MCTP2: variants seen among roughly 807,000 people sequenced by gnomAD.
MCTP2 encodes multiple C2 and transmembrane domain containing 2.
In MCTP2, 132 loss-of-function variants were observed where a neutral mutation model predicts 111.6. That is an observed-to-expected ratio of 1.18 (90% CI 1.03 to 1.37). The LOEUF (loss-of-function observed/expected upper bound fraction) is 1.37, where lower values mean the gene tolerates loss of function less well. MCTP2 is among the 40% of genes most tolerant of loss of function. The pLI is 0.00. For missense variants in MCTP2, 1,183 were observed against 1,067.9 expected (o/e 1.11, Z -1.50); for synonymous variants, 395 against 387.7 (o/e 1.02, Z -0.22).
At chr15:94,244,624 A>G (rs2071594215) in intron 1 of MCTP2, among the ~76,000 whole-genome samples, 1 of 148,332 alleles carries the variant, frequency 6.7e-6, no homozygotes, top group Non-Finnish European at 1.5e-5. Context: ...GTATACACAT[A>G]CATATGCACC....
intron 8 of MCTP2, among the ~76,000 whole-genome samples, chr15:94,347,220 C>G (rs534612878): frequency 2.3e-4 from 35 of 152,176 alleles, no homozygotes; most frequent in Middle Eastern, 3.4e-3. Flanking sequence ...TGATCAACAA[C>G]CTGTAAAAGT....
At chr15:94,417,864 C>T (rs567966922) in intron 17 of MCTP2, among the ~76,000 whole-genome samples, 38 of 152,176 alleles carry the variant, frequency 2.5e-4, no homozygotes, top group African/African-American at 8.7e-4. Context: ...TTCCTGAATT[C>T]GGGTACCTTA....
chr15:94,370,462 T>C (rs2152438143), intron 12 of MCTP2, among the ~76,000 whole-genome samples: 1 of 152,340 alleles, frequency 6.6e-6, no homozygotes, highest in South Asian at 2.1e-4. Context: ...CTTCTTTATT[T>C]GTTAAATTAA....
At position 94,393,038 on chromosome 15, in the gene MCTP2, A is replaced by G. The variant is rs200102777; in HGVS notation, c.1789-5923A>G. ...TTGTAACAAATATGAAATTATGCACATTTTAATAAAGGAAATATTTGCAAA... is the reference window on the plus strand; with the variant it reads ...TTGTAACAAATATGAAATTATGCACGTTTTAATAAAGGAAATATTTGCAAA... On this transcript the variant is annotated intron_variant, in intron 14 of 22. Coordinates refer to ENST00000357742, the MANE Select transcript of MCTP2 (RefSeq NM_001385001.1). Among the ~76,000 whole-genome samples the G allele has an allele frequency of 6.6e-5, 10 of 152,288 alleles. No homozygotes were observed. In the East Asian group the frequency reaches 1.9e-3, roughly 29 times the overall value.
intron 1 of MCTP2, among the ~76,000 whole-genome samples, chr15:94,255,371 TAG>T (rs1481460548): frequency 6.6e-6 from 1 of 152,192 alleles, no homozygotes; most frequent in African/African-American, 2.4e-5. Flanking sequence ...GTATCAAATC[TAG>T]AGAGAGGGTT....
chr15:94,314,603 C>A, intron 3 of MCTP2: 1 of 549,226 alleles, frequency 1.8e-6, no homozygotes, highest in African/African-American at 1.9e-5. Flanking sequence ...GCAGATAAAG[C>A]CAGTTTGAAG....
At chr15:94,277,436 G>GTTTATCA (rs1427454626) in intron 1 of MCTP2, among the ~76,000 whole-genome samples, 1 of 152,116 alleles carries the variant, frequency 6.6e-6, no homozygotes, top group Non-Finnish European at 1.5e-5. Flanking sequence ...AGGTTCTTCA[G>GTTTATCA]TAGTCAAATG....
At chr15:94,254,624 C>T (rs1436208515) in intron 1 of MCTP2, among the ~76,000 whole-genome samples, 8 of 152,178 alleles carry the variant, frequency 5.3e-5, no homozygotes, top group Admixed American at 4.6e-4. Context: ...GATTTTTTTG[C>T]AGCAATTCAT....
At chr15:94,477,263 G>T (rs1400844001) in intron 22 of MCTP2, among the ~76,000 whole-genome samples, 1 of 152,134 alleles carries the variant, frequency 6.6e-6, no homozygotes, top group African/African-American at 2.4e-5. Context: ...TCCCTCTGAA[G>T]ACTTAGGGAT....
rs2074787119 is a variant in MCTP2, at chr15:94,482,703, C to G, written c.*3669C>G. The G allele has an allele frequency of 6.6e-6, 1 of 152,202 alleles. No homozygotes were observed. Among genetic ancestry groups the G allele is most frequent in the African/African-American group, 2.4e-5 (1 of 41,450 alleles). 9.4% of individuals were successfully genotyped at this position (152,202 alleles called of 1,614,324 possible). On this transcript the variant is annotated 3_prime_UTR_variant, in exon 23 of 23. Coordinates refer to ENST00000357742, the MANE Select transcript of MCTP2 (RefSeq NM_001385001.1). Reference sequence around the variant, plus strand: ...TATGAAAAGTGATCAAAACTACATGCTTCAAGAAATTAAACCTTGAAGAAC... The same window carrying G: ...TATGAAAAGTGATCAAAACTACATGGTTCAAGAAATTAAACCTTGAAGAAC...
intron 1 of MCTP2, among the ~76,000 whole-genome samples, chr15:94,246,197 C>T (rs973735501): frequency 1.3e-5 from 2 of 152,092 alleles, no homozygotes; most frequent in Non-Finnish European, 1.5e-5. Context: ...AAACCGTCAC[C>T]TACAGGAAAT....
At chr15:94,261,068 A>G (rs2073150683) in intron 1 of MCTP2, among the ~76,000 whole-genome samples, 1 of 152,034 alleles carries the variant, frequency 6.6e-6, no homozygotes, top group Admixed American at 6.5e-5. Context: ...GCCAGTCAGA[A>G]AACTTTTAAA....
intron 20 of MCTP2, among the ~76,000 whole-genome samples, chr15:94,461,601 A>G (rs1203927406): frequency 6.6e-6 from 1 of 152,198 alleles, no homozygotes; most frequent in African/African-American, 2.4e-5. Flanking sequence ...TGGCTAGGGA[A>G]ATCTCCACAG....
chr15:94,339,159 T>A (rs1596400867), intron 4 of MCTP2, 131 bp from the exon 5 acceptor site: 2 of 596,642 alleles, frequency 3.4e-6, no homozygotes, highest in East Asian at 5.7e-5. Flanking sequence ...CTGTCTTCCA[T>A]CTCCGAGCCC....
At chr15:94,389,331 G>A (rs1050026681) in intron 14 of MCTP2, among the ~76,000 whole-genome samples, 2 of 152,106 alleles carry the variant, frequency 1.3e-5, no homozygotes, top group Admixed American at 6.5e-5. Flanking sequence ...GCATGGAGGG[G>A]AAGTGGGACA....
chr15:94,245,438 A>G (rs1422221615), intron 1 of MCTP2, among the ~76,000 whole-genome samples: 1 of 131,750 alleles, frequency 7.6e-6, no homozygotes, highest in Non-Finnish European at 1.6e-5. Flanking sequence ...ATATTTATAT[A>G]TACACATATA....
chr15:94,388,293 G>A (rs2080639488), intron 14 of MCTP2, among the ~76,000 whole-genome samples: 1 of 152,154 alleles, frequency 6.6e-6, no homozygotes, highest in East Asian at 1.9e-4. Context: ...CCCTGGCATG[G>A]TGCACTCAGT....
chr15:94,401,839 T>C (rs914824474), intron 16 of MCTP2, 61 bp from the exon 17 acceptor site: 32 of 1,357,288 alleles, frequency 2.4e-5, no homozygotes, highest in Non-Finnish European at 2.9e-5. Context: ...GGGTACCTGA[T>C]CTAGATGGAA....
chr15:94,257,812 C>G (rs2072918582), intron 1 of MCTP2, among the ~76,000 whole-genome samples: 3 of 151,440 alleles, frequency 2.0e-5, no homozygotes, highest in Admixed American at 1.3e-4. Context: ...GTCTTGAACT[C>G]TTAACCTTGT....
Sources: allele counts gnomAD v4.1 joint callset (sites outside exome capture counted in the v4.1 genomes callset), GRCh38; gene constraint gnomAD v4.1.1; transcripts MANE v1.5; gene names NCBI Gene and HGNC (gene_info 2026-07-23, HGNC 2026-07-21).